The following ZNF782 variants were observed in gnomAD, a reference collection of about 807,000 sequenced individuals.
ZNF782 encodes the protein zinc finger protein 782.
ZNF782 carries 12 observed loss-of-function variants against 13.0 expected under a neutral mutation model. That is an observed-to-expected ratio of 0.92 (90% CI 0.59 to 1.50). The LOEUF is 1.50. Among genes scored for constraint, ZNF782 ranks in the 40% most tolerant of loss-of-function variants. The pLI is 0.00. For missense variants in ZNF782, 770 were observed against 822.9 expected, an observed-to-expected ratio of 0.94 and a Z score of 0.79; for synonymous variants, 284 against 283.0, an observed-to-expected ratio of 1.00 and a Z score of -0.04.
At chr9:96,840,932 A>T (rs544353251) in intron 4 of ZNF782, among the ~76,000 whole-genome samples, 58 of 152,168 alleles carry the variant, frequency 3.8e-4, no homozygotes, top group African/African-American at 1.0e-3. Context: ...AAACCAAAAA[A>T]ACAAAAGAGA....
the ZNF782 span, among the ~76,000 whole-genome samples, chr9:96,911,897 A>G: frequency 6.6e-6 from 1 of 152,046 alleles, no homozygotes; most frequent in Non-Finnish European, 1.5e-5. Flanking sequence ...TAGTTGGTTT[A>G]TATGATTTGG....
chr9:96,918,084 G>A, the ZNF782 span, among the ~76,000 whole-genome samples: 1 of 151,016 alleles, frequency 6.6e-6, no homozygotes, highest in Non-Finnish European at 1.5e-5. Context: ...CATTTTATGG[G>A]AGAATATTTA....
In ZNF782 at chr9:96,827,124, C is replaced by G. The variant is rs1303341226; in HGVS notation, c.200G>C (p.Trp67Ser). Residue 67 changes from tryptophan (W) to serine (S), a missense_variant, in exon 5 of 6, where the codon TGG becomes TCG. Physicochemically the swap from Trp to Ser is radical, Grantham distance 177 (BLOSUM62 -3). Coordinates refer to ENST00000481138, the MANE Select transcript of ZNF782 (RefSeq NM_001001662.3). ...AAATCCTTTCTCTTTCTCTAATAACCATGGATCTTCTCCTTGTTCCAATGT... is the reference window on the plus strand; with the variant it reads ...AAATCCTTTCTCTTTCTCTAATAACGATGGATCTTCTCCTTGTTCCAATGT... ...IFTLEQGEDP[W>S]LLEKEKGFLS... 1 of 1,612,504 alleles carries G rather than the reference C, an allele frequency of 6.2e-7. No individual in the cohort carries two copies. The highest frequency in any genetic ancestry group is 8.5e-7 in the Non-Finnish European group (1 of 1,179,378).
chr9:96,826,870 A>T (rs1249352906), intron 5 of ZNF782, among the ~76,000 whole-genome samples: 1 of 152,246 alleles, frequency 6.6e-6, no homozygotes, highest in African/African-American at 2.4e-5. Context: ...TTCATTGTTT[A>T]GGAAACTGTG....
At chr9:96,907,666 T>A in the ZNF782 span, among the ~76,000 whole-genome samples, 1 of 150,928 alleles carries the variant, frequency 6.6e-6, no homozygotes, top group African/African-American at 2.4e-5. Context: ...TAAGACAGAG[T>A]TTCACTCTTG....
chr9:96,871,572 G>A (rs988495606), intron 1 of ZNF782, among the ~76,000 whole-genome samples: 10 of 152,314 alleles, frequency 6.6e-5, no homozygotes, highest in Non-Finnish European at 1.5e-4. Context: ...AGCTAGGCAT[G>A]CCTGTAGTCC....
At chr9:96,848,760 A>G (rs1027563748) in intron 3 of ZNF782, among the ~76,000 whole-genome samples, 2 of 152,248 alleles carry the variant, frequency 1.3e-5, no homozygotes, top group African/African-American at 4.8e-5. Context: ...GCCCAAAGCA[A>G]TCTACAGGTT....
the ZNF782 span, among the ~76,000 whole-genome samples, chr9:96,919,990 G>A: frequency 6.6e-6 from 1 of 151,460 alleles, no homozygotes; most frequent in Non-Finnish European, 1.5e-5. Flanking sequence ...ATAGATTGCT[G>A]AAAGTGAATC....
chr9:96,853,922 TTAG>T, intron 1 of ZNF782, among the ~76,000 whole-genome samples, 163 bp downstream of exon 1: 1 of 152,378 alleles, frequency 6.6e-6, no homozygotes, highest in South Asian at 2.1e-4. Flanking sequence ...CGCTCATGGC[TTAG>T]TAGCCTACAG....
At chr9:96,833,570 A>T (rs1850879199) in intron 4 of ZNF782, among the ~76,000 whole-genome samples, 1 of 152,230 alleles carries the variant, frequency 6.6e-6, no homozygotes. Context: ...CATCTCATCA[A>T]GGGAATATGC....
chr9:96,872,346 C>T (rs561990531), intron 1 of ZNF782, among the ~76,000 whole-genome samples: 1 of 152,174 alleles, frequency 6.6e-6, no homozygotes, highest in Non-Finnish European at 1.5e-5. Context: ...GCCTGGTCAA[C>T]GTGGTGAAAC....
chr9:96,923,593 TTCTC>T, the ZNF782 span, among the ~76,000 whole-genome samples: 1 of 132,098 alleles, frequency 7.6e-6, no homozygotes, highest in African/African-American at 2.9e-5. Context: ...CACAAGCACT[TTCTC>T]TATTATTGCC....
At chr9:96,916,359 G>A in the ZNF782 span, among the ~76,000 whole-genome samples, 3 of 151,904 alleles carry the variant, frequency 2.0e-5, no homozygotes, top group African/African-American at 7.2e-5. Context: ...GCATGATGGC[G>A]CACACCTGTA....
At chr9:96,843,054 A>C (rs1851234719) in intron 4 of ZNF782, among the ~76,000 whole-genome samples, 1 of 152,152 alleles carries the variant, frequency 6.6e-6, no homozygotes, top group Non-Finnish European at 1.5e-5. Context: ...GCCTAGTACC[A>C]GAAAGGATAG....
chr9:96,910,771 G>C, the ZNF782 span, among the ~76,000 whole-genome samples: 2 of 148,384 alleles, frequency 1.3e-5, no homozygotes, highest in Admixed American at 1.4e-4. Context: ...CGAGTAGCTG[G>C]GACTACAGGC....
the ZNF782 span, among the ~76,000 whole-genome samples, chr9:96,915,995 T>C: frequency 1.3e-5 from 2 of 151,268 alleles, no homozygotes; most frequent in Admixed American, 1.3e-4. Flanking sequence ...TGGAGAAGTT[T>C]ATACAGCAGT....
At chr9:96,880,320 G>A (rs907995012), upstream of ZNF782, among the ~76,000 whole-genome samples, 1 of 152,078 alleles carries the variant, frequency 6.6e-6, no homozygotes, top group Non-Finnish European at 1.5e-5. Context: ...GTACTATGTT[G>A]AATAGCAGTG....
intron 3 of ZNF782, among the ~76,000 whole-genome samples, chr9:96,859,525 G>A (rs1851680946): frequency 6.6e-6 from 1 of 152,154 alleles, no homozygotes; most frequent in Non-Finnish European, 1.5e-5. Flanking sequence ...GGCTACAAGG[G>A]AACCTGCTTC....
upstream of ZNF782, among the ~76,000 whole-genome samples, chr9:96,876,297 C>T (rs562808885): frequency 1.2e-4 from 18 of 152,280 alleles, no homozygotes; most frequent in Middle Eastern, 3.4e-3. Context: ...AAGCATTTAA[C>T]ATTGAAAGGA....
Sources: allele counts gnomAD v4.1 joint callset (sites outside exome capture counted in the v4.1 genomes callset), GRCh38; gene constraint gnomAD v4.1.1; transcripts MANE v1.5; gene names NCBI Gene and HGNC (gene_info 2026-07-23, HGNC 2026-07-21).